The following CHCHD6 variants were observed in gnomAD, a reference collection of about 807,000 sequenced individuals.
The protein encoded by CHCHD6 is MICOS complex subunit MIC25.
Under a neutral mutation model 32.3 loss-of-function variants are expected in CHCHD6, and 28 were observed. The ratio of observed to expected loss-of-function variants is 0.87; its 90% confidence interval spans 0.64 to 1.19. The LOEUF is 1.19. Ranked by LOEUF, CHCHD6 falls within the 50% of genes most tolerant of loss-of-function variation. CHCHD6 has a pLI of 0.00. For missense variants in CHCHD6, 333 were observed against 307.0 expected (o/e 1.08, Z -0.63); for synonymous variants, 122 against 117.5 (o/e 1.04, Z -0.25).
At chr3:126,742,984 A>G (rs1936343301) in intron 4 of CHCHD6, among the ~76,000 whole-genome samples, 1 of 152,026 alleles carries the variant, frequency 6.6e-6, no homozygotes, top group South Asian at 2.1e-4. Flanking sequence ...ACTAGGGGGA[A>G]GATGTGGGGT....
intron 4 of CHCHD6, among the ~76,000 whole-genome samples, chr3:126,843,936 T>C (rs1471254659): frequency 6.6e-6 from 1 of 152,246 alleles, no homozygotes; most frequent in African/African-American, 2.4e-5. Flanking sequence ...CATTTGCTAA[T>C]TGCATTATCT....
chr3:126,792,229 AAT>A (rs1938580658), intron 4 of CHCHD6, among the ~76,000 whole-genome samples: 1 of 148,784 alleles, frequency 6.7e-6, no homozygotes, highest in Non-Finnish European at 1.5e-5. Context: ...ATATACTTAG[AAT>A]ATATATTCTA....
chr3:126,783,092 C>T (rs1160243001), intron 4 of CHCHD6, among the ~76,000 whole-genome samples: 1 of 152,158 alleles, frequency 6.6e-6, no homozygotes, highest in Non-Finnish European at 1.5e-5. Flanking sequence ...CTTTGACCTA[C>T]CTCTCCCCTA....
intron 5 of CHCHD6, among the ~76,000 whole-genome samples, chr3:126,879,082 T>C (rs979368206): frequency 1.3e-5 from 2 of 152,244 alleles, no homozygotes; most frequent in Admixed American, 6.5e-5. Context: ...TCTCTAGGCT[T>C]CCACATTATG....
At chr3:126,754,683 A>G (rs1936877377) in intron 4 of CHCHD6, among the ~76,000 whole-genome samples, 1 of 152,190 alleles carries the variant, frequency 6.6e-6, no homozygotes, top group African/African-American at 2.4e-5. Context: ...GATTTTTGCC[A>G]GTGTAACTGC....
intron 3 of CHCHD6, among the ~76,000 whole-genome samples, chr3:126,731,360 C>T (rs1935796120): frequency 6.6e-6 from 1 of 152,108 alleles, no homozygotes; most frequent in African/African-American, 2.4e-5. Context: ...GAAGTTTTAG[C>T]AAAGTGGTTA....
At chr3:126,931,265 G>A (rs2078401095) in intron 6 of CHCHD6, among the ~76,000 whole-genome samples, 1 of 152,258 alleles carries the variant, frequency 6.6e-6, no homozygotes, top group African/African-American at 2.4e-5. Context: ...CAGGGACCAG[G>A]GGCAGGGAGT....
Position 126,852,805 on chromosome 3 carries a change from G to C in CHCHD6, c.495+75G>C, listed in dbSNP as rs959901874. ...CTGACCAGAACACATCACTGTCATG[G>C]GGGGAGAGAGGAGTCCGCAGACCCA... On this transcript the variant is annotated intron_variant, in intron 5 of 7. Transcript: ENST00000290913. The C allele has an allele frequency of 1.6e-5, 16 of 1,008,346 alleles. No individual in the cohort carries two copies. In the Admixed American group the frequency reaches 1.6e-4, roughly 10 times the overall value. The allele number at this position is 1,008,346 out of a possible 1,614,324, so 62.5% of individuals were successfully genotyped here.
At chr3:126,922,971 C>T (rs2078273612) in intron 6 of CHCHD6, among the ~76,000 whole-genome samples, 1 of 152,200 alleles carries the variant, frequency 6.6e-6, no homozygotes, top group African/African-American at 2.4e-5. Flanking sequence ...GTGGGGTGAG[C>T]CGCCATTACT....
At chr3:126,740,635 T>C (rs567687977) in intron 4 of CHCHD6, among the ~76,000 whole-genome samples, 27 of 152,298 alleles carry the variant, frequency 1.8e-4, no homozygotes, top group African/African-American at 6.5e-4. Flanking sequence ...TAGAAAGGGC[T>C]GTGCCACACA....
Position 126,957,446 on chromosome 3 carries a change from G to T in CHCHD6, c.597G>T (p.Gly199=), listed in dbSNP as rs763209096. ...KPRRVEPVCS[G]LQAQILHCYR... is the part of the protein sequence containing the mutation. Reference sequence around the variant, plus strand: ...GCAGGGTGGAGCCCGTCTGCTCAGGGTTGCAGGCCCAGATTCTCCACTGCT... The same window carrying T: ...GCAGGGTGGAGCCCGTCTGCTCAGGTTTGCAGGCCCAGATTCTCCACTGCT... Residue 199 remains glycine (G), a synonymous_variant, in exon 7 of 8, where the codon GGG becomes GGT. Coordinates refer to ENST00000290913, the MANE Select transcript of CHCHD6 (RefSeq NM_032343.3). The T allele has an allele frequency of 1.2e-6, 2 of 1,611,444 alleles. No homozygotes were observed. Among genetic ancestry groups the T allele is most frequent in the Admixed American group, 3.3e-5 (2 of 59,854 alleles).
intron 1 of CHCHD6, among the ~76,000 whole-genome samples, chr3:126,722,783 G>A (rs1029491384): frequency 1.3e-5 from 2 of 151,968 alleles, no homozygotes; most frequent in Non-Finnish European, 2.9e-5. Flanking sequence ...GTGTCATTTG[G>A]TACTCAAAAC....
chr3:126,771,658 G>T (rs1937545044), intron 4 of CHCHD6, among the ~76,000 whole-genome samples: 1 of 152,164 alleles, frequency 6.6e-6, no homozygotes, highest in African/African-American at 2.4e-5. Flanking sequence ...CTCTGATTTA[G>T]GTTATTTTTT....
chr3:126,851,074 T>C (rs1435351587), intron 4 of CHCHD6, among the ~76,000 whole-genome samples: 1 of 152,148 alleles, frequency 6.6e-6, no homozygotes, highest in East Asian at 1.9e-4. Context: ...TGCTCAGGCT[T>C]CCTAGAGGCC....
intron 5 of CHCHD6, among the ~76,000 whole-genome samples, chr3:126,865,989 G>A (rs1052614403): frequency 6.6e-6 from 1 of 152,166 alleles, no homozygotes. Context: ...AGACCTGTCA[G>A]TTAGGTTTCC....
intron 6 of CHCHD6, among the ~76,000 whole-genome samples, chr3:126,919,729 T>C (rs544288331): frequency 1.3e-5 from 2 of 152,102 alleles, no homozygotes; most frequent in South Asian, 4.2e-4. Flanking sequence ...AGTCATTTCT[T>C]TCAGCTCTTT....
chr3:126,865,863 C>G (rs1014935494), intron 5 of CHCHD6: 1 of 600,598 alleles, frequency 1.7e-6, no homozygotes, highest in Admixed American at 6.3e-5. Flanking sequence ...CTCTTGCACT[C>G]TAGAGAGGCT....
chr3:126,860,947 A>C (rs2107557034), intron 5 of CHCHD6, among the ~76,000 whole-genome samples: 1 of 152,296 alleles, frequency 6.6e-6, no homozygotes, highest in Non-Finnish European at 1.5e-5. Flanking sequence ...TGGTATTGTA[A>C]GCCTTGGGTT....
chr3:126,952,927 T>A lies in CHCHD6; in HGVS notation c.567-4489T>A, dbSNP rs562365112. On this transcript the variant is annotated intron_variant, in intron 6 of 7. Transcript: ENST00000290913. ...CCTGCTTGCCAGGGACCAGGACCCA[T>A]GTGCCTTGTCTGTGGCCATCACATT... 5.1e-5 allele frequency: 50 copies of A among 978,976 alleles called. No individual in the cohort carries two copies. The African/African-American group carries it at 8.6e-4, about 17-fold the overall frequency. 60.6% of individuals were successfully genotyped at this position (978,976 alleles called of 1,614,324 possible). A position where few individuals can be genotyped will look rare whatever the true frequency, so the allele number is the denominator to read the frequency against.
Sources: gnomAD v4.1 joint callset for allele counts (sites outside exome capture counted in the v4.1 genomes callset) on GRCh38, gnomAD v4.1.1 for gene constraint, MANE v1.5 for transcripts, NCBI Gene and HGNC (gene_info 2026-07-23, HGNC 2026-07-21) for gene names.